The following KDM4B variants were observed in gnomAD, a reference collection of about 807,000 sequenced individuals.
KDM4B encodes the protein lysine-specific demethylase 4B.
A neutral mutation model predicts 125.2 loss-of-function variants in KDM4B; 32 were observed. That is an observed-to-expected ratio of 0.26 (90% CI 0.19 to 0.34). The LOEUF (loss-of-function observed/expected upper bound fraction) is 0.34. KDM4B is among the 10% of genes least tolerant of loss of function. The pLI is 1.00. For synonymous variants in KDM4B, 721 were observed against 677.9 expected, an observed-to-expected ratio of 1.06 and a Z score of -0.99; for missense variants, 1,190 against 1,577.7, an observed-to-expected ratio of 0.75 and a Z score of 4.16.
intron 1 of KDM4B, among the ~76,000 whole-genome samples, chr19:4,989,362 G>A (rs144957530): frequency 0.013 from 1,906 of 152,204 alleles, 37 homozygotes; most frequent in African/African-American, 0.043. Context: ...TTTTGAGACA[G>A]AGTCTTGCTC....
intron 8 of KDM4B, chr19:5,077,900 C>T (rs747955676): frequency 8.8e-5 from 16 of 182,680 alleles, no homozygotes; most frequent in African/African-American, 1.4e-4. Flanking sequence ...GGCACCCCCA[C>T]GGCCCATGTC....
intron 1 of KDM4B, among the ~76,000 whole-genome samples, chr19:4,991,255 C>T (rs2035023130): frequency 6.6e-6 from 1 of 152,098 alleles, no homozygotes; most frequent in South Asian, 2.1e-4. Flanking sequence ...TGGCAACCCC[C>T]CCTGCCCTAC....
intron 1 of KDM4B, among the ~76,000 whole-genome samples, chr19:4,981,706 C>G (rs996077157): frequency 6.6e-6 from 1 of 152,174 alleles, no homozygotes; most frequent in Admixed American, 6.5e-5. Context: ...CAGCCCAGTG[C>G]CAAGCCCCAC....
chr19:5,024,551 G>C (rs2036221348), intron 2 of KDM4B, among the ~76,000 whole-genome samples: 1 of 152,026 alleles, frequency 6.6e-6, no homozygotes, highest in South Asian at 2.1e-4. Flanking sequence ...CCGCCCATAA[G>C]ATGCAGCTGC....
In KDM4B at chr19:5,131,431, G is replaced by A; in HGVS notation, c.1671G>A (p.Lys557=). Reference sequence around the variant, plus strand: ...AGGCCTTTGAGCACTTTGCCCAGAAGGGTCCGACCTGGAAGGAACCAGTTT... The same window carrying A: ...AGGCCTTTGAGCACTTTGCCCAGAAAGGTCCGACCTGGAAGGAACCAGTTT... ...CQQAFEHFAQ[K]GPTWKEPVSP... Residue 557 remains lysine (K), a synonymous_variant, in exon 12 of 23, where the codon AAG becomes AAA. Transcript: ENST00000159111. 6.2e-7 allele frequency: 1 copy of A among 1,610,690 alleles called. No individual in the cohort carries two copies. Among genetic ancestry groups the A allele is most frequent in the Non-Finnish European group, 8.5e-7 (1 of 1,179,570 alleles).
Position 5,040,033 on chromosome 19 carries a change from GA to G in KDM4B, c.317+23del, listed in dbSNP as rs779550616. On this transcript the variant is annotated intron_variant, in intron 4 of 22. Coordinates refer to ENST00000159111, the MANE Select transcript of KDM4B (RefSeq NM_015015.3). The stretch of plus-strand genomic sequence containing the variant: ...AGAAGTACGCGGGGCGGGCAGGGCG[GA>G]CCTGACCCCCGCCCCCGGGGGCACA... The G allele has an allele frequency of 1.2e-5, 19 of 1,593,398 alleles. No homozygotes were observed. In the Admixed American group the frequency reaches 1.5e-4, roughly 13 times the overall value.
rs1018542765 is a variant in KDM4B at position 5,078,343 on chromosome 19, C to T, written c.780+873C>T. On this transcript the variant is annotated intron_variant, in intron 8 of 22. Transcript: ENST00000159111. The surrounding 1 kb of genome is among the most constrained non-coding windows in gnomAD (Gnocchi z 4.5). ...TGCTCTGTGGTGAGGCCCTGAGTGT[C>T]AGCCAGCCGGAAATTGCTTGTGACA... is the stretch of plus-strand genomic sequence containing the variant. The T allele has an allele frequency of 6.6e-6, 1 of 152,220 alleles. No homozygotes were observed. Among genetic ancestry groups the T allele is most frequent in the East Asian group, 1.9e-4 (1 of 5,162 alleles). The allele number at this position is 152,220 out of a possible 1,614,324, so 9.4% of individuals were successfully genotyped here.
chr19:5,113,716 C>T (rs534858150), intron 10 of KDM4B, among the ~76,000 whole-genome samples: 182 of 152,230 alleles, frequency 1.2e-3, no homozygotes, highest in African/African-American at 4.2e-3. Flanking sequence ...CAGGAGTGCC[C>T]CAAGTCGTGA....
chr19:5,122,786 C>T (rs1181999782), intron 11 of KDM4B, among the ~76,000 whole-genome samples: 2 of 152,232 alleles, frequency 1.3e-5, no homozygotes, highest in Admixed American at 1.3e-4. Context: ...ATGAGCCCAG[C>T]CTGCTCTGGG....
intron 1 of KDM4B, among the ~76,000 whole-genome samples, chr19:5,011,347 T>C (rs1193857181): frequency 6.6e-6 from 1 of 152,216 alleles, no homozygotes; most frequent in Non-Finnish European, 1.5e-5. Flanking sequence ...CCCATGTGTA[T>C]ATGCACACCT....
At chr19:4,986,359 C>T (rs147035343) in intron 1 of KDM4B, among the ~76,000 whole-genome samples, 13 of 152,256 alleles carry the variant, frequency 8.5e-5, no homozygotes, top group Non-Finnish European at 1.6e-4. Flanking sequence ...GGGGCGATGG[C>T]GGAGTAAACG....
At chr19:5,052,408 G>T (rs1054748363) in intron 6 of KDM4B, among the ~76,000 whole-genome samples, 1 of 152,006 alleles carries the variant, frequency 6.6e-6, no homozygotes, top group Non-Finnish European at 1.5e-5. Flanking sequence ...GGCTGCAGGG[G>T]ACCAGCCCGG....
intron 10 of KDM4B, among the ~76,000 whole-genome samples, chr19:5,118,054 T>C (rs1442784430): frequency 6.6e-6 from 1 of 151,958 alleles, no homozygotes; most frequent in African/African-American, 2.4e-5. Context: ...GGTCCAAGTG[T>C]CCCGAGGGAG....
intron 11 of KDM4B, among the ~76,000 whole-genome samples, chr19:5,125,134 C>T (rs1019641933): frequency 2.0e-5 from 3 of 147,860 alleles, no homozygotes; most frequent in South Asian, 2.2e-4. Context: ...TCCTGGGCTC[C>T]GCCTCAGCCT....
intron 1 of KDM4B, among the ~76,000 whole-genome samples, chr19:5,010,404 G>A (rs1056054744): frequency 6.6e-6 from 1 of 152,088 alleles, no homozygotes; most frequent in African/African-American, 2.4e-5. Flanking sequence ...CTGAGGCGTC[G>A]GTCAAGTTTC....
At chr19:5,121,493 G>A (rs1376240266) in intron 11 of KDM4B, among the ~76,000 whole-genome samples, 1 of 152,144 alleles carries the variant, frequency 6.6e-6, no homozygotes, top group African/African-American at 2.4e-5. Context: ...GGATCGAGCG[G>A]AGCTGCCAGA....
At position 5,035,898 on chromosome 19, in the gene KDM4B, TGC is replaced by T. The variant is rs1555696867; in HGVS notation, c.141+2872_141+2873del. Among the ~76,000 whole-genome samples, 3 of 78,294 alleles carry T rather than the reference TGC, an allele frequency of 3.8e-5. No individual in the cohort carries two copies. In the East Asian group the frequency reaches 2.4e-3, roughly 63 times the overall value. 51.4% of individuals were successfully genotyped at this position (78,294 alleles called of 152,430 possible). ...GTGTGTGTGCGCGCGCGCGCGCGCC[TGC>T]GCGCACAGGAGACTGAGGTGGGGAG... On this transcript the variant is annotated intron_variant, in intron 3 of 22. Transcript: ENST00000159111. This position sits in a 1 kb window ranked among gnomAD's most constrained non-coding sequence, Gnocchi z 5.3.
intron 6 of KDM4B, among the ~76,000 whole-genome samples, chr19:5,069,525 G>A (rs2037880075): frequency 6.6e-6 from 1 of 151,910 alleles, no homozygotes; most frequent in South Asian, 2.1e-4. Context: ...GGTCAGGCTG[G>A]TCTCAAACTT....
chr19:5,001,654 G>T (rs1466442814), intron 1 of KDM4B, among the ~76,000 whole-genome samples: 1 of 150,220 alleles, frequency 6.7e-6, no homozygotes, highest in Non-Finnish European at 1.5e-5. Context: ...TAGCTTTTAT[G>T]CTAAACACCC....
Sources: allele counts gnomAD v4.1 joint callset (sites outside exome capture counted in the v4.1 genomes callset), GRCh38; gene constraint gnomAD v4.1.1; non-coding constraint Gnocchi (gnomAD v3.1); transcripts MANE v1.5; gene names NCBI Gene and HGNC (gene_info 2026-07-23, HGNC 2026-07-21).